The following TLE7 variants were observed in gnomAD, a reference collection of about 807,000 sequenced individuals.
TLE7 encodes transducin-like enhancer protein 7.
intron 1 of TLE7, among the ~76,000 whole-genome samples, chr16:71,434,158 T>C (rs1050888012): frequency 3.9e-5 from 6 of 152,106 alleles, no homozygotes; most frequent in Non-Finnish European, 8.8e-5. Flanking sequence ...AATGATGAAG[T>C]TGGCTTGGAG....
chr16:71,432,632 G>C (rs1463289286), intron 4 of TLE7, 33 bp downstream of exon 4: 12 of 398,712 alleles, frequency 3.0e-5, no homozygotes, highest in Non-Finnish European at 5.3e-5. Flanking sequence ...AGGTGGGAAA[G>C]GAAGGATCCT....
At chr16:71,435,178 C>A (rs555948969) in intron 1 of TLE7, among the ~76,000 whole-genome samples, 1 of 152,102 alleles carries the variant, frequency 6.6e-6, no homozygotes. Context: ...TTTGGGAGGC[C>A]GAGGCAGGCA....
intron 1 of TLE7, among the ~76,000 whole-genome samples, chr16:71,434,525 G>A (rs1043946637): frequency 1.3e-5 from 2 of 152,154 alleles, no homozygotes; most frequent in Non-Finnish European, 2.9e-5. Context: ...AAACACCCAC[G>A]AACTCTATGG....
At chr16:71,433,483 G>A in intron 1 of TLE7, 63 bp from the exon 2 acceptor site, 1 of 397,104 alleles carries the variant, frequency 2.5e-6, no homozygotes, top group Non-Finnish European at 4.4e-6. Flanking sequence ...TCTTTAGAAG[G>A]GGCAGAGAAT....
chr16:71,438,381 C>T (rs865883349), intron 1 of TLE7, among the ~76,000 whole-genome samples: 3 of 142,302 alleles, frequency 2.1e-5, no homozygotes, highest in African/African-American at 5.3e-5. Context: ...AGCAAGATTG[C>T]GCCACTCCAC....
At chr16:71,437,435 G>A (rs952854485) in intron 1 of TLE7, among the ~76,000 whole-genome samples, 1 of 147,440 alleles carries the variant, frequency 6.8e-6, no homozygotes, top group African/African-American at 2.5e-5. Context: ...AAACAAAGAG[G>A]AAGGAAGGAA....
At chr16:71,441,440 G>A (rs529002911) in intron 1 of TLE7, among the ~76,000 whole-genome samples, 1 of 152,224 alleles carries the variant, frequency 6.6e-6, no homozygotes, top group African/African-American at 2.4e-5. Flanking sequence ...GGCGCGGCGT[G>A]CGCGGCCGGG....
chr16:71,430,762 T>G, intron 8 of TLE7, 21 bp from the exon 9 acceptor site: 1 of 398,404 alleles, frequency 2.5e-6, no homozygotes, highest in Non-Finnish European at 4.4e-6. Flanking sequence ...AACGAACAGG[T>G]GAGAGGCCAG....
chr16:71,432,349 C>A, intron 4 of TLE7, 24 bp from the exon 5 acceptor site: 1 of 400,102 alleles, frequency 2.5e-6, no homozygotes, highest in Non-Finnish European at 4.4e-6. Context: ...GGGTGGGTAG[C>A]AGTGGCCCTG....
At chr16:71,434,509 G>C (rs2042818838) in intron 1 of TLE7, among the ~76,000 whole-genome samples, 1 of 152,166 alleles carries the variant, frequency 6.6e-6, no homozygotes, top group Non-Finnish European at 1.5e-5. Flanking sequence ...TCAATAGCTG[G>C]CTCTCAAACA....
intron 1 of TLE7, among the ~76,000 whole-genome samples, chr16:71,439,828 A>G (rs1315842785): frequency 6.6e-6 from 1 of 152,220 alleles, no homozygotes; most frequent in Non-Finnish European, 1.5e-5. Flanking sequence ...CCTCAGAGTT[A>G]ACATGTGACC....
At chr16:71,434,367 A>G (rs1427718070) in intron 1 of TLE7, among the ~76,000 whole-genome samples, 1 of 152,174 alleles carries the variant, frequency 6.6e-6, no homozygotes, top group Non-Finnish European at 1.5e-5. Flanking sequence ...CCTGCCCAAC[A>G]GCCAGCCCTA....
intron 1 of TLE7, among the ~76,000 whole-genome samples, chr16:71,436,625 G>A (rs1032045039): frequency 2.0e-5 from 3 of 152,192 alleles, no homozygotes; most frequent in African/African-American, 4.8e-5. Context: ...TGAGCTGTTC[G>A]CCAGAGCCAA....
Position 71,431,611 on chromosome 16 carries a change from C to T in TLE7, c.852-49G>A. 2.5e-6 allele frequency: 1 copy of T among 400,582 alleles called. No homozygotes were observed. The highest frequency in any genetic ancestry group is 4.4e-6 in the Non-Finnish European group (1 of 226,282). The allele number at this position is 400,582 out of a possible 1,614,324, so 24.8% of individuals were successfully genotyped here. Reference sequence around the variant, plus strand: ...GAGGGTCACTGAATGGTTTGGGCCCCCGGGAAGTTTCAGGGTCAGGAAGCC... The same window carrying T: ...GAGGGTCACTGAATGGTTTGGGCCCTCGGGAAGTTTCAGGGTCAGGAAGCC... On this transcript the variant is annotated intron_variant, in intron 6 of 9. Coordinates refer to ENST00000561754, the MANE Select transcript of TLE7 (RefSeq NM_001367365.2). This position sits in a 1 kb window ranked among gnomAD's most constrained non-coding sequence, Gnocchi z 4.5.
At chr16:71,438,424 C>CAA (rs11383356) in intron 1 of TLE7, among the ~76,000 whole-genome samples, 6,186 of 82,524 alleles carry the variant, frequency 0.075, 377 homozygotes, top group Non-Finnish European at 0.089. Context: ...GACTCCATCT[C>CAA]AAAAAAAAAA....
Position 71,430,185 on chromosome 16 carries a change from A to G in TLE7, c.*77T>C. 1 of 398,246 alleles carries G rather than the reference A, an allele frequency of 2.5e-6. No homozygotes were observed. Among genetic ancestry groups the G allele is most frequent in the Non-Finnish European group, 4.4e-6 (1 of 225,914 alleles). The allele number at this position is 398,246 out of a possible 1,614,324, so 24.7% of individuals were successfully genotyped here. A position where few individuals can be genotyped will look rare whatever the true frequency, so the allele number is the denominator to read the frequency against. On this transcript the variant is annotated 3_prime_UTR_variant, in exon 10 of 10. Coordinates refer to ENST00000561754, the MANE Select transcript of TLE7 (RefSeq NM_001367365.2). ...GAGATGGCAGGTGTTAGAGGTGTCC[A>G]GCACTCTGAAGCCATCCTCACAGCC... is the stretch of plus-strand genomic sequence containing the variant.
intron 1 of TLE7, among the ~76,000 whole-genome samples, chr16:71,436,289 C>T (rs751533008): frequency 2.0e-5 from 3 of 152,228 alleles, no homozygotes; most frequent in Admixed American, 6.5e-5. Context: ...CTGCCCCTAT[C>T]CTGCGGTGCT....
At chr16:71,435,362 G>A (rs1403692228) in intron 1 of TLE7, among the ~76,000 whole-genome samples, 1 of 152,200 alleles carries the variant, frequency 6.6e-6, no homozygotes, top group Non-Finnish European at 1.5e-5. Flanking sequence ...AGTGAGCCGA[G>A]ATCGTGCCAA....
chr16:71,439,323 G>C (rs1288550244), intron 1 of TLE7, among the ~76,000 whole-genome samples: 1 of 152,186 alleles, frequency 6.6e-6, no homozygotes, highest in East Asian at 1.9e-4. Context: ...GGGTAGCAGA[G>C]AGCATAGGAG....
Sources: gnomAD v4.1 joint callset for allele counts (sites outside exome capture counted in the v4.1 genomes callset) on GRCh38, gnomAD v4.1.1 for gene constraint, Gnocchi (gnomAD v3.1) non-coding constraint, MANE v1.5 for transcripts, NCBI Gene and HGNC (gene_info 2026-07-23, HGNC 2026-07-21) for gene names.